The following GLIPR2 variants were observed in gnomAD, a reference collection of about 807,000 sequenced individuals.
GLIPR2 encodes the protein GLI pathogenesis related 2, also known as Golgi-associated plant pathogenesis-related protein 1.
A neutral mutation model predicts 20.4 loss-of-function variants in GLIPR2; 21 were observed. The ratio of observed to expected loss-of-function variants is 1.03; its 90% confidence interval spans 0.73 to 1.48. The LOEUF (loss-of-function observed/expected upper bound fraction) is 1.48. GLIPR2 is among the 40% of genes most tolerant of loss of function. The pLI is 0.00. For synonymous variants in GLIPR2, 91 were observed against 80.5 expected, an observed-to-expected ratio of 1.13 and a Z score of -0.70; for missense variants, 205 against 200.1, an observed-to-expected ratio of 1.02 and a Z score of -0.15.
At chr9:36,161,488 A>G (rs1250516998) in intron 4 of GLIPR2, among the ~76,000 whole-genome samples, 2 of 136,048 alleles carry the variant, frequency 1.5e-5, no homozygotes, top group South Asian at 2.5e-4. Context: ...GAAATTCCCT[A>G]AAGAGAGCTT....
At chr9:36,151,710 C>T (rs1045709527) in intron 4 of GLIPR2, among the ~76,000 whole-genome samples, 7 of 152,138 alleles carry the variant, frequency 4.6e-5, no homozygotes, top group African/African-American at 1.7e-4. Flanking sequence ...CTTCCCTTGA[C>T]GAAAGCTCCG....
At chr9:36,136,624 T>G (rs1824825506), upstream of GLIPR2, 1 of 496,956 alleles carries the variant, frequency 2.0e-6, no homozygotes, top group Non-Finnish European at 3.1e-6. This position sits in a 1 kb window ranked among gnomAD's most constrained non-coding sequence, Gnocchi z 4.3. Context: ...CCCGGGCGCC[T>G]CCGCCCTCAG....
rs1044508582 is a variant in GLIPR2, at chr9:36,136,989, C to A, written c.13+198C>A. On this transcript the variant is annotated intron_variant, in intron 1 of 4. Coordinates refer to ENST00000377960, the MANE Select transcript of GLIPR2 (RefSeq NM_022343.4). This position sits in a 1 kb window ranked among gnomAD's most constrained non-coding sequence, Gnocchi z 4.3. ...AGGCGAGCCCGAGGGAGGCCCCCGC[C>A]GGAGAGCCGGGGATCGCGCCAAGTT... 12 of 540,084 alleles carry A rather than the reference C, an allele frequency of 2.2e-5. No homozygotes were observed. Among genetic ancestry groups the A allele is most frequent in the African/African-American group, 3.9e-5 (2 of 50,924 alleles). 33.5% of individuals were successfully genotyped at this position (540,084 alleles called of 1,614,324 possible). A position where few individuals can be genotyped will look rare whatever the true frequency, so the allele number is the denominator to read the frequency against.
chr9:36,154,756 G>A (rs1331827470), intron 4 of GLIPR2, among the ~76,000 whole-genome samples: 1 of 152,232 alleles, frequency 6.6e-6, no homozygotes, highest in Non-Finnish European at 1.5e-5. Flanking sequence ...TCCCCCGCGA[G>A]AAGAAAGATT....
chr9:36,140,519 G>A (rs1825024241), intron 1 of GLIPR2, among the ~76,000 whole-genome samples: 1 of 152,190 alleles, frequency 6.6e-6, no homozygotes, highest in Non-Finnish European at 1.5e-5. Context: ...GTAGGGATGT[G>A]CCTGAGTGAC....
At chr9:36,147,219 T>A (rs1825366502) in intron 1 of GLIPR2, among the ~76,000 whole-genome samples, 1 of 151,642 alleles carries the variant, frequency 6.6e-6, no homozygotes, top group Non-Finnish European at 1.5e-5. Flanking sequence ...CGTCTCTTTG[T>A]CTGTCTCTCT....
intron 1 of GLIPR2, among the ~76,000 whole-genome samples, chr9:36,147,583 C>T (rs1221253185): frequency 6.6e-6 from 1 of 152,236 alleles, no homozygotes; most frequent in Non-Finnish European, 1.5e-5. Context: ...TTTAGATGTG[C>T]AGAGATGTGG....
intron 2 of GLIPR2, among the ~76,000 whole-genome samples, 159 bp from the exon 3 acceptor site, chr9:36,148,386 CTG>C (rs1216382910): frequency 6.6e-5 from 10 of 152,204 alleles, no homozygotes; most frequent in Non-Finnish European, 1.0e-4. Context: ...ACTTGTTCCT[CTG>C]TGGAATGGGA....
chr9:36,150,520 C>T (rs1825530011), intron 3 of GLIPR2, among the ~76,000 whole-genome samples: 1 of 152,202 alleles, frequency 6.6e-6, no homozygotes, highest in South Asian at 2.1e-4. Context: ...AAGGCCCTTG[C>T]AGTACATTGC....
At chr9:36,150,768 C>A in intron 3 of GLIPR2, 104 bp from the exon 4 acceptor site, 1 of 774,710 alleles carries the variant, frequency 1.3e-6, no homozygotes, top group Non-Finnish European at 2.2e-6. Flanking sequence ...TCTCAGATGT[C>A]TAATTGCCGC....
At chr9:36,145,498 A>G (rs1372240843) in intron 1 of GLIPR2, among the ~76,000 whole-genome samples, 2 of 152,252 alleles carry the variant, frequency 1.3e-5, no homozygotes, top group Non-Finnish European at 2.9e-5. Context: ...ACAATATGGG[A>G]CATGGCACAG....
intron 4 of GLIPR2, among the ~76,000 whole-genome samples, chr9:36,155,839 C>T (rs1404961750): frequency 6.6e-6 from 1 of 151,904 alleles, no homozygotes; most frequent in African/African-American, 2.4e-5. Flanking sequence ...TTTGGGAGGC[C>T]AAGGCAAGAG....
At chr9:36,138,603 G>A (rs1824934091) in intron 1 of GLIPR2, among the ~76,000 whole-genome samples, 1 of 152,198 alleles carries the variant, frequency 6.6e-6, no homozygotes, top group Admixed American at 6.5e-5. Context: ...CCATTCTTCT[G>A]TCTGTTCGCC....
At chr9:36,141,190 C>T (rs1161603347) in intron 1 of GLIPR2, among the ~76,000 whole-genome samples, 1 of 152,142 alleles carries the variant, frequency 6.6e-6, no homozygotes, top group African/African-American at 2.4e-5. Flanking sequence ...GAGGTAGATA[C>T]TGCTGTTCTC....
chr9:36,162,732 A>C lies in GLIPR2; in HGVS notation c.*210A>C. Reference sequence around the variant, plus strand: ...GTGAGCAAAGGAAGCATTTACCCCGATGGTTACCTAGACCACGATTATTTG... The same window carrying C: ...GTGAGCAAAGGAAGCATTTACCCCGCTGGTTACCTAGACCACGATTATTTG... On this transcript the variant is annotated 3_prime_UTR_variant, in exon 5 of 5. Coordinates refer to ENST00000377960, the MANE Select transcript of GLIPR2 (RefSeq NM_022343.4). 1.7e-6 allele frequency: 1 copy of C among 574,580 alleles called. No homozygotes were observed. Among genetic ancestry groups the C allele is most frequent in the Non-Finnish European group, 3.1e-6 (1 of 325,134 alleles). 35.6% of individuals were successfully genotyped at this position (574,580 alleles called of 1,614,324 possible).
At position 36,147,769 on chromosome 9, in the gene GLIPR2, T is replaced by C. The variant is rs769219491; in HGVS notation, c.14-17T>C. The C allele has an allele frequency of 2.6e-6, 3 of 1,140,460 alleles. No homozygotes were observed. The highest frequency in any genetic ancestry group is 4.0e-6 in the Non-Finnish European group (3 of 747,368). The allele number at this position is 1,140,460 out of a possible 1,614,324, so 70.6% of individuals were successfully genotyped here. The stretch of plus-strand genomic sequence containing the variant: ...TTTCTCTGCACTGAGCCATTCTCCA[T>C]TTTGCAATCATTCCAGCTTCCAAAC... On this transcript the variant is annotated splice_polypyrimidine_tract_variant and intron_variant, in intron 1 of 4. Coordinates refer to ENST00000377960, the MANE Select transcript of GLIPR2 (RefSeq NM_022343.4).
intron 3 of GLIPR2, among the ~76,000 whole-genome samples, chr9:36,150,091 C>G (rs1825513828): frequency 6.6e-6 from 1 of 152,212 alleles, no homozygotes; most frequent in African/African-American, 2.4e-5. Context: ...CAGAGACAGA[C>G]ACAGTTGGTC....
chr9:36,136,676 A>C, upstream of GLIPR2: 1 of 859,266 alleles, frequency 1.2e-6, no homozygotes, highest in Non-Finnish European at 1.5e-6. This position sits in a 1 kb window ranked among gnomAD's most constrained non-coding sequence, Gnocchi z 4.3. Context: ...GCGCCGGAGG[A>C]GGGGCCGCGG....
At chr9:36,159,541 C>T (rs1825971511) in intron 4 of GLIPR2, among the ~76,000 whole-genome samples, 1 of 152,216 alleles carries the variant, frequency 6.6e-6, no homozygotes, top group African/African-American at 2.4e-5. Flanking sequence ...CATATGGACA[C>T]ATAGCCTGGT....
Sources: allele counts gnomAD v4.1 joint callset (sites outside exome capture counted in the v4.1 genomes callset), GRCh38; gene constraint gnomAD v4.1.1; non-coding constraint Gnocchi (gnomAD v3.1); transcripts MANE v1.5; gene names NCBI Gene and HGNC (gene_info 2026-07-23, HGNC 2026-07-21).